Variants in FAM168A observed in about 807,000 individuals in gnomAD.
The protein encoded by FAM168A is family with sequence similarity 168 member A, also known as protein FAM168A.
In FAM168A, 3 loss-of-function variants were observed where a neutral mutation model predicts 28.5. The observed-to-expected ratio is 0.11, with a 90% confidence interval of 0.05 to 0.27. The LOEUF (loss-of-function observed/expected upper bound fraction) is 0.27, where lower values mean the gene tolerates loss of function less well. Among genes scored for constraint, FAM168A ranks in the 10% least tolerant of loss-of-function variants. FAM168A has a pLI of 1.00. For missense variants in FAM168A, 222 were observed against 311.5 expected (o/e 0.71, Z 2.16); for synonymous variants, 122 against 124.2 (o/e 0.98, Z 0.12).
intron 1 of FAM168A, among the ~76,000 whole-genome samples, chr11:73,583,124 G>A (rs561832643): frequency 6.6e-6 from 1 of 152,164 alleles, no homozygotes; most frequent in Non-Finnish European, 1.5e-5. Context: ...CTAAAAGAGT[G>A]AAACCCCGTC....
At position 73,407,518 on chromosome 11, in the gene FAM168A, T is replaced by C; in HGVS notation, c.*13A>G. The C allele has an allele frequency of 1.9e-6, 3 of 1,555,220 alleles. No individual in the cohort carries two copies. Among genetic ancestry groups the C allele is most frequent in the Non-Finnish European group, 2.6e-6 (3 of 1,157,542 alleles). On this transcript the variant is annotated 3_prime_UTR_variant, in exon 7 of 8. Coordinates refer to ENST00000356467, the MANE Select transcript of FAM168A (RefSeq NM_015159.3). Reference sequence around the variant, plus strand: ...CTCACCCTGGCCACACTCACTTGGATGGGCTGCAGGCTTTACCAGTGTGGG... The same window carrying C: ...CTCACCCTGGCCACACTCACTTGGACGGGCTGCAGGCTTTACCAGTGTGGG...
chr11:73,586,142 C>G (rs1944311426), intron 1 of FAM168A, among the ~76,000 whole-genome samples: 1 of 152,148 alleles, frequency 6.6e-6, no homozygotes, highest in South Asian at 2.1e-4. Flanking sequence ...TCTCTGGAAG[C>G]CAGCATGTCA....
intron 2 of FAM168A, among the ~76,000 whole-genome samples, chr11:73,457,390 G>T (rs1208189271): frequency 6.7e-6 from 1 of 149,128 alleles, no homozygotes; most frequent in Non-Finnish European, 1.5e-5. Context: ...ACTCCATCTC[G>T]TTTAAAAAAA....
intron 1 of FAM168A, among the ~76,000 whole-genome samples, chr11:73,579,847 G>A (rs61527032): frequency 0.069 from 10,431 of 152,228 alleles, 1,053 homozygotes; most frequent in African/African-American, 0.22. Flanking sequence ...CAAGAAATGA[G>A]GCTCTTTCTA....
intron 2 of FAM168A, among the ~76,000 whole-genome samples, chr11:73,466,046 A>G (rs559421790): frequency 6.6e-6 from 1 of 152,150 alleles, no homozygotes; most frequent in Non-Finnish European, 1.5e-5. Flanking sequence ...CCACAAAACT[A>G]TATTTTATTT....
At chr11:73,469,661 G>A (rs1008099422) in intron 1 of FAM168A, among the ~76,000 whole-genome samples, 1 of 152,098 alleles carries the variant, frequency 6.6e-6, no homozygotes, top group Non-Finnish European at 1.5e-5. Flanking sequence ...TGTAGCCCTG[G>A]CAAACTACCC....
chr11:73,596,094 A>G (rs1944437093), intron 1 of FAM168A, among the ~76,000 whole-genome samples: 1 of 152,196 alleles, frequency 6.6e-6, no homozygotes, highest in African/African-American at 2.4e-5. Context: ...CAAGCAATCA[A>G]TTTAAAGAGG....
At chr11:73,504,416 T>C (rs1855068117) in intron 1 of FAM168A, among the ~76,000 whole-genome samples, 1 of 152,072 alleles carries the variant, frequency 6.6e-6, no homozygotes, top group Admixed American at 6.5e-5. Context: ...TCAACATCAC[T>C]GATCATCAGA....
At chr11:73,565,719 C>T (rs1418073610) in intron 1 of FAM168A, among the ~76,000 whole-genome samples, 2 of 152,182 alleles carry the variant, frequency 1.3e-5, no homozygotes, top group African/African-American at 4.8e-5. Flanking sequence ...GAATCCTCAA[C>T]ACTCCATTCC....
intron 1 of FAM168A, among the ~76,000 whole-genome samples, chr11:73,517,042 A>G (rs1297831958): frequency 6.6e-6 from 1 of 152,224 alleles, no homozygotes; most frequent in Non-Finnish European, 1.5e-5. Context: ...AAGAGCATGT[A>G]GTAACCAAAA....
chr11:73,589,304 T>C (rs1461045195), intron 1 of FAM168A, among the ~76,000 whole-genome samples: 1 of 152,114 alleles, frequency 6.6e-6, no homozygotes, highest in Non-Finnish European at 1.5e-5. Context: ...TGGATTTTAA[T>C]GTAACAGAGC....
intron 1 of FAM168A, among the ~76,000 whole-genome samples, chr11:73,473,668 C>T (rs1867846823): frequency 6.6e-6 from 1 of 152,172 alleles, no homozygotes; most frequent in Non-Finnish European, 1.5e-5. Context: ...ACCTAGAATG[C>T]CCTTTTCCCC....
chr11:73,515,995 G>A (rs1943299088), intron 1 of FAM168A, among the ~76,000 whole-genome samples: 1 of 151,956 alleles, frequency 6.6e-6, no homozygotes, highest in Non-Finnish European at 1.5e-5. Flanking sequence ...CAGCTACTTA[G>A]GAGGCTGAGG....
At chr11:73,592,744 A>G (rs911384741) in intron 1 of FAM168A, among the ~76,000 whole-genome samples, 1 of 152,146 alleles carries the variant, frequency 6.6e-6, no homozygotes, top group Non-Finnish European at 1.5e-5. Context: ...TATGTGGCAC[A>G]AAATATTTTC....
Position 73,488,242 on chromosome 11 carries a change from T to A in FAM168A, c.-18-19750A>T, listed in dbSNP as rs546660430. Among the ~76,000 whole-genome samples, 71 of 151,978 alleles carry A rather than the reference T, an allele frequency of 4.7e-4. 1 individual carries two copies. The Middle Eastern group carries it at 0.01, about 22-fold the overall frequency. On this transcript the variant is annotated intron_variant, in intron 1 of 7. Transcript: ENST00000356467. ...GCCTCCTGGGTTCAAGCAATTCTCC[T>A]GTCTCAGCCTCCCAAGTAGCTGGGA...
rs938521400 is a variant in FAM168A at position 73,405,669 on chromosome 11, C to G, written c.*1094G>C. On this transcript the variant is annotated 3_prime_UTR_variant, in exon 8 of 8. Transcript: ENST00000356467. ...TCACCTTCAGAGCTGCCAGCACCCA[C>G]CTGGAATGTGGTTCCTTCACTTGGG... 2.0e-5 allele frequency: 3 copies of G among 152,244 alleles called. No homozygotes were observed. Among genetic ancestry groups the G allele is most frequent in the Non-Finnish European group, 4.4e-5 (3 of 68,042 alleles). 9.4% of individuals were successfully genotyped at this position (152,244 alleles called of 1,614,324 possible). A position where few individuals can be genotyped will look rare whatever the true frequency, so the allele number is the denominator to read the frequency against.
intron 1 of FAM168A, among the ~76,000 whole-genome samples, chr11:73,539,596 C>G (rs1943628600): frequency 1.3e-5 from 2 of 152,154 alleles, no homozygotes; most frequent in South Asian, 4.1e-4. Flanking sequence ...ACAAGAAGCT[C>G]TTACTGCTCC....
intron 1 of FAM168A, among the ~76,000 whole-genome samples, chr11:73,493,787 G>C (rs1854810055): frequency 6.6e-6 from 1 of 152,146 alleles, no homozygotes; most frequent in African/African-American, 2.4e-5. Flanking sequence ...AAAAAGACCA[G>C]GTTTGGGAAT....
intron 2 of FAM168A, among the ~76,000 whole-genome samples, chr11:73,434,497 T>A (rs759780408): frequency 2.0e-5 from 3 of 152,034 alleles, no homozygotes; most frequent in Admixed American, 6.6e-5. Context: ...GCTGAAGGAG[T>A]GTTTTAGACA....
Sources: allele counts gnomAD v4.1 joint callset (sites outside exome capture counted in the v4.1 genomes callset), GRCh38; gene constraint gnomAD v4.1.1; transcripts MANE v1.5; gene names NCBI Gene and HGNC (gene_info 2026-07-23, HGNC 2026-07-21).